Variants in CBLB observed in about 807,000 individuals in gnomAD.
CBLB encodes the protein Cbl proto-oncogene B, also known as E3 ubiquitin-protein ligase CBL-B.
Under a neutral mutation model 104.9 loss-of-function variants are expected in CBLB, and 31 were observed. The ratio of observed to expected loss-of-function variants is 0.30; its 90% CI spans 0.22 to 0.40. CBLB has a LOEUF of 0.40. Among genes scored for constraint, CBLB ranks in the 10% least tolerant of loss-of-function variants. The pLI is 1.00. For synonymous variants in CBLB, 440 were observed against 422.6 expected (o/e 1.04, Z -0.51); for missense variants, 1,062 against 1,214.6 (o/e 0.87, Z 1.87).
chr3:105,700,393 T>C (rs2068923079), intron 12 of CBLB, among the ~76,000 whole-genome samples: 1 of 151,972 alleles, frequency 6.6e-6, no homozygotes, highest in Non-Finnish European at 1.5e-5. Context: ...TGCTGAGATA[T>C]AACTAGTTAA....
chr3:105,826,472 A>G (rs2086598118), intron 3 of CBLB, among the ~76,000 whole-genome samples: 1 of 152,194 alleles, frequency 6.6e-6, no homozygotes, highest in Non-Finnish European at 1.5e-5. Flanking sequence ...CTAATCATTC[A>G]TGTGCATTTT....
intron 13 of CBLB, 38 bp from the exon 14 acceptor site, chr3:105,685,504 A>C: frequency 1.3e-6 from 2 of 1,568,760 alleles, no homozygotes; most frequent in South Asian, 2.2e-5. Context: ...GTTTAAGCAT[A>C]ATATTCAAAA....
intron 8 of CBLB, among the ~76,000 whole-genome samples, chr3:105,735,782 C>A (rs1448329235): frequency 6.6e-6 from 1 of 152,088 alleles, no homozygotes; most frequent in Non-Finnish European, 1.5e-5. Context: ...CCCATCTCTA[C>A]TAAAAATACA....
intron 6 of CBLB, among the ~76,000 whole-genome samples, chr3:105,742,615 A>C (rs1245712822): frequency 6.6e-6 from 1 of 152,202 alleles, no homozygotes; most frequent in Non-Finnish European, 1.5e-5. Flanking sequence ...AATAATAGAA[A>C]GTCACTATAA....
intron 4 of CBLB, among the ~76,000 whole-genome samples, chr3:105,761,838 A>G (rs2077668488): frequency 6.6e-6 from 1 of 152,192 alleles, no homozygotes; most frequent in Non-Finnish European, 1.5e-5. Flanking sequence ...GAAGAGAGGA[A>G]GATGTGGGAA....
intron 18 of CBLB, among the ~76,000 whole-genome samples, chr3:105,668,294 CATA>C (rs1559745916): frequency 6.6e-6 from 1 of 152,118 alleles, no homozygotes; most frequent in Non-Finnish European, 1.5e-5. Context: ...AATAGGGATT[CATA>C]CTGCTTGAAA....
At chr3:105,838,830 G>A (rs1306624675) in intron 3 of CBLB, among the ~76,000 whole-genome samples, 1 of 152,094 alleles carries the variant, frequency 6.6e-6, no homozygotes, top group African/African-American at 2.4e-5. Context: ...AGTAGAGACA[G>A]GGTTTCACCA....
At chr3:105,757,918 T>C (rs2077229989) in intron 4 of CBLB, among the ~76,000 whole-genome samples, 1 of 152,196 alleles carries the variant, frequency 6.6e-6, no homozygotes, top group Non-Finnish European at 1.5e-5. Context: ...TTCACCTTGA[T>C]CAACTAAGAT....
At position 105,670,226 on chromosome 3, in the gene CBLB, A is replaced by C. The variant is rs1429419024; in HGVS notation, c.2689+7T>G. On this transcript the variant is annotated splice_region_variant and intron_variant, in intron 18 of 18. Coordinates refer to ENST00000394030, the MANE Select transcript of CBLB (RefSeq NM_170662.5). ...GGTATTATTGTTACTGTTACTAGCC[A>C]ACTCACCTGAACATGAAGGAAGCTG... 1 of 1,612,842 alleles carries C rather than the reference A, an allele frequency of 6.2e-7. No individual in the cohort carries two copies.
chr3:105,840,998 G>C (rs560010095), intron 3 of CBLB, among the ~76,000 whole-genome samples: 1 of 151,928 alleles, frequency 6.6e-6, no homozygotes, highest in African/African-American at 2.4e-5. Context: ...ATGCAAACAA[G>C]AATAAAAAAT....
intron 3 of CBLB, among the ~76,000 whole-genome samples, chr3:105,800,880 AATAAAC>A (rs2082778152): frequency 6.6e-6 from 1 of 152,214 alleles, no homozygotes; most frequent in African/African-American, 2.4e-5. Flanking sequence ...GAATTTAGAT[AATAAAC>A]ATGAAAACAA....
At chr3:105,675,884 CAAAAAAAAAA>C (rs71111383) in intron 17 of CBLB, among the ~76,000 whole-genome samples, 1 of 81,916 alleles carries the variant, frequency 1.2e-5, no homozygotes, top group Non-Finnish European at 2.2e-5. Flanking sequence ...GACCCTGTCT[CAAAAAAAAAA>C]AAAAAAAAAA....
Position 105,681,324 on chromosome 3 carries a change from G to A in CBLB, c.2428+155C>T. The A allele has an allele frequency of 8.8e-6, 6 of 684,454 alleles. No homozygotes were observed. The Middle Eastern group carries it at 1.6e-3, about 177-fold the overall frequency. The allele number at this position is 684,454 out of a possible 1,614,324, so 42.4% of individuals were successfully genotyped here. ...CATCTACATGGAGTAATGGTCTCGTGAACTTGGGAGTCACCGGCACCTGGA... is the reference window on the plus strand; with the variant it reads ...CATCTACATGGAGTAATGGTCTCGTAAACTTGGGAGTCACCGGCACCTGGA... On this transcript the variant is annotated intron_variant, in intron 16 of 18. Coordinates refer to ENST00000394030, the MANE Select transcript of CBLB (RefSeq NM_170662.5).
chr3:105,727,202 T>C (rs1404537177), intron 9 of CBLB, among the ~76,000 whole-genome samples: 1 of 152,212 alleles, frequency 6.6e-6, no homozygotes, highest in Non-Finnish European at 1.5e-5. Context: ...CTCCACATCC[T>C]CTCCAGCATC....
intron 3 of CBLB, among the ~76,000 whole-genome samples, chr3:105,830,436 G>A (rs2087317530): frequency 6.6e-6 from 1 of 152,114 alleles, no homozygotes; most frequent in African/African-American, 2.4e-5. Flanking sequence ...GTTACAGGAA[G>A]CGTTGGTAAC....
chr3:105,868,239 T>G, intron 1 of CBLB: 3 of 1,231,650 alleles, frequency 2.4e-6, no homozygotes, highest in Non-Finnish European at 3.0e-6. Context: ...AATAGCCCAT[T>G]TGAAAAGAGA....
intron 3 of CBLB, among the ~76,000 whole-genome samples, chr3:105,844,967 T>A (rs2090043279): frequency 6.6e-6 from 1 of 152,162 alleles, no homozygotes; most frequent in South Asian, 2.1e-4. Flanking sequence ...ATTCATCAAC[T>A]TTCTTTGTGG....
chr3:105,801,673 C>T (rs985860392), intron 3 of CBLB, among the ~76,000 whole-genome samples: 1 of 152,260 alleles, frequency 6.6e-6, no homozygotes, highest in Non-Finnish European at 1.5e-5. Context: ...GCCCACCGCC[C>T]ATTTTGAAGA....
At chr3:105,767,169 T>C (rs1031142732) in intron 4 of CBLB, among the ~76,000 whole-genome samples, 1 of 152,172 alleles carries the variant, frequency 6.6e-6, no homozygotes, top group Admixed American at 6.5e-5. Context: ...TTAGTTCTTT[T>C]TTCTTTCTCT....
Sources: allele counts gnomAD v4.1 joint callset (sites outside exome capture counted in the v4.1 genomes callset), GRCh38; gene constraint gnomAD v4.1.1; transcripts MANE v1.5; gene names NCBI Gene and HGNC (gene_info 2026-07-23, HGNC 2026-07-21).